PSMD12: variants seen among roughly 807,000 people sequenced by gnomAD.
PSMD12 encodes proteasome 26S subunit, non-ATPase 12, also known as 26S proteasome non-ATPase regulatory subunit 12.
Under a neutral mutation model 62.9 loss-of-function variants are expected in PSMD12, and 8 were observed. The ratio of observed to expected loss-of-function variants is 0.13; its 90% CI spans 0.07 to 0.23. The LOEUF (loss-of-function observed/expected upper bound fraction) is 0.23. PSMD12 is among the 10% of genes least tolerant of loss of function. The probability of loss-of-function intolerance (pLI) is 1.00; values close to 1 mark genes in which losing one functional copy is unlikely to be tolerated. For synonymous variants in PSMD12, 173 were observed against 187.4 expected (o/e 0.92, Z 0.63); for missense variants, 424 against 550.2 (o/e 0.77, Z 2.29).
At position 67,340,812 on chromosome 17, in the gene PSMD12, A is replaced by C. The variant is rs764725397; in HGVS notation, c.*31T>G. On this transcript the variant is annotated 3_prime_UTR_variant, in exon 11 of 11. Transcript: ENST00000356126. ...AACAGTCTTTTTTTAATGACTTCCA[A>C]TTTTAACTTTTTTCTAAAGCACTAA... is the stretch of plus-strand genomic sequence containing the variant. 2 of 1,496,862 alleles carry C rather than the reference A, an allele frequency of 1.3e-6. No individual in the cohort carries two copies. Among genetic ancestry groups the C allele is most frequent in the Non-Finnish European group, 9.0e-7 (1 of 1,117,282 alleles). 92.7% of individuals were successfully genotyped at this position (1,496,862 alleles called of 1,614,324 possible). A position where few individuals can be genotyped will look rare whatever the true frequency, so the allele number is the denominator to read the frequency against.
chr17:67,355,308 TCTCGAACTCCTGGG>T (rs2042058212), intron 3 of PSMD12: 1 of 152,186 alleles, frequency 6.6e-6, no homozygotes, highest in Admixed American at 6.6e-5. Flanking sequence ...CCCAGACTGG[TCTCGAACTCCTGGG>T]CTCAAGCAAT....
At chr17:67,357,968 C>A (rs948881773) in intron 1 of PSMD12, among the ~76,000 whole-genome samples, 1 of 151,906 alleles carries the variant, frequency 6.6e-6, no homozygotes, top group African/African-American at 2.4e-5. Flanking sequence ...TTCACCCAGG[C>A]TGAAGTGCAG....
intron 1 of PSMD12, among the ~76,000 whole-genome samples, chr17:67,360,189 A>G (rs1703883686): frequency 6.6e-6 from 1 of 152,206 alleles, no homozygotes; most frequent in Non-Finnish European, 1.5e-5. Flanking sequence ...AATGCAAAAT[A>G]CTATTTAATG....
At chr17:67,353,308 T>TCC (rs1015710281) in intron 3 of PSMD12, among the ~76,000 whole-genome samples, 1 of 150,596 alleles carries the variant, frequency 6.6e-6, no homozygotes, top group African/African-American at 2.4e-5. Flanking sequence ...CCTTCCTCCT[T>TCC]CCCCCCGCTC....
At chr17:67,345,328 C>T (rs2041954625) in intron 8 of PSMD12, among the ~76,000 whole-genome samples, 1 of 152,122 alleles carries the variant, frequency 6.6e-6, no homozygotes, top group Non-Finnish European at 1.5e-5. Flanking sequence ...CTAGTATACG[C>T]TATCAGTAAC....
At chr17:67,360,282 T>A (rs1283630032) in intron 1 of PSMD12, among the ~76,000 whole-genome samples, 1 of 152,234 alleles carries the variant, frequency 6.6e-6, no homozygotes, top group African/African-American at 2.4e-5. Flanking sequence ...GTATTCTAAT[T>A]CAGAAGCATG....
At chr17:67,345,699 T>C (rs369997757) in intron 8 of PSMD12, 46 bp downstream of exon 8, 2 of 1,502,368 alleles carry the variant, frequency 1.3e-6, no homozygotes, top group Non-Finnish European at 1.8e-6. Context: ...TCTTTCAAAA[T>C]GGTGTTTCGA....
intron 9 of PSMD12, among the ~76,000 whole-genome samples, chr17:67,343,660 G>A (rs1483643747): frequency 1.3e-5 from 2 of 151,984 alleles, no homozygotes; most frequent in African/African-American, 2.4e-5. Flanking sequence ...TTATAAGTAC[G>A]TCTTTCCCTA....
At position 67,347,493 on chromosome 17, in the gene PSMD12, A is replaced by G. The variant is rs761338291; in HGVS notation, c.511-8T>C. On this transcript the variant is annotated splice_polypyrimidine_tract_variant and splice_region_variant and intron_variant, in intron 5 of 10. Transcript: ENST00000356126. ...TGACCCGTAGGTTTCCACCTAGCAC[A>G]GTAATTCCCCAAATAAGTTTATAAT... is the stretch of plus-strand genomic sequence containing the variant. The G allele has an allele frequency of 5.0e-6, 8 of 1,599,822 alleles. No homozygotes were observed. In the African/African-American group the frequency reaches 1.1e-4, roughly 22 times the overall value.
chr17:67,344,443 T>C (rs2041944433), intron 9 of PSMD12, among the ~76,000 whole-genome samples, 163 bp downstream of exon 9: 1 of 152,092 alleles, frequency 6.6e-6, no homozygotes, highest in South Asian at 2.1e-4. Context: ...AGAAAAAAAA[T>C]ATCCTAAGTG....
intron 10 of PSMD12, 138 bp downstream of exon 10, chr17:67,342,046 TAC>T: frequency 1.6e-6 from 1 of 641,976 alleles, no homozygotes; most frequent in Non-Finnish European, 2.7e-6. Context: ...TAGTTTTTGG[TAC>T]TCAAGATTGC....
chr17:67,349,324 C>T (rs1199896729), intron 4 of PSMD12, among the ~76,000 whole-genome samples: 1 of 152,132 alleles, frequency 6.6e-6, no homozygotes, highest in Non-Finnish European at 1.5e-5. Context: ...TGGCCAGAAC[C>T]GAACTATTCT....
At chr17:67,352,466 A>G in intron 3 of PSMD12, among the ~76,000 whole-genome samples, 2 of 152,302 alleles carry the variant, frequency 1.3e-5, no homozygotes, top group African/African-American at 4.8e-5. Context: ...AGGCCCTAGG[A>G]CATGTAGTGT....
intron 1 of PSMD12, among the ~76,000 whole-genome samples, chr17:67,360,547 A>T (rs975948265): frequency 3.9e-5 from 6 of 152,186 alleles, no homozygotes; most frequent in African/African-American, 1.2e-4. Context: ...ACTCTGTAAG[A>T]GCAGGGATGC....
At chr17:67,350,795 C>T (rs1457342460) in intron 3 of PSMD12, among the ~76,000 whole-genome samples, 1 of 152,212 alleles carries the variant, frequency 6.6e-6, no homozygotes, top group Non-Finnish European at 1.5e-5. Flanking sequence ...CCTTCAGTTT[C>T]CTCACAGGTT....
chr17:67,345,966 T>G (rs1037771106), intron 7 of PSMD12, 109 bp from the exon 8 acceptor site: 4 of 1,064,620 alleles, frequency 3.8e-6, no homozygotes, highest in Non-Finnish European at 4.1e-6. Context: ...TTTTAAAGTC[T>G]TGGCCGGGCG....
At chr17:67,355,414 T>C (rs1236097701) in intron 3 of PSMD12, 1 of 152,180 alleles carries the variant, frequency 6.6e-6, no homozygotes, top group Non-Finnish European at 1.5e-5. Context: ...TATATGCATG[T>C]AAACTTACCT....
chr17:67,362,217 A>G (rs1022379302), intron 1 of PSMD12, among the ~76,000 whole-genome samples: 2 of 152,230 alleles, frequency 1.3e-5, no homozygotes, highest in African/African-American at 4.8e-5. Context: ...ACTGCTAAAT[A>G]CCATATCTTT....
chr17:67,341,469 C>CAAAAAAAAAAAAAAAAAAAAAA (rs71368819), intron 10 of PSMD12, among the ~76,000 whole-genome samples: 1 of 51,130 alleles, frequency 2.0e-5, no homozygotes, highest in Non-Finnish European at 3.3e-5. Flanking sequence ...GACTCTGCCT[C>CAAAAAAAAAAAAAAAAAAAAAA]AAAAAAAAAA....
Sources: allele counts gnomAD v4.1 joint callset (sites outside exome capture counted in the v4.1 genomes callset), GRCh38; gene constraint gnomAD v4.1.1; transcripts MANE v1.5; gene names NCBI Gene and HGNC (gene_info 2026-07-23, HGNC 2026-07-21).